JAKMIP3: variants seen among roughly 807,000 people sequenced by gnomAD.
JAKMIP3 encodes the protein Janus kinase and microtubule interacting protein 3.
In JAKMIP3, 58 loss-of-function variants were observed where a neutral mutation model predicts 118.5. That is an observed-to-expected ratio of 0.49 (90% CI 0.40 to 0.61). The LOEUF is 0.61. Among genes scored for constraint, JAKMIP3 ranks in the 20% least tolerant of loss-of-function variants. The pLI is 0.00. For missense variants in JAKMIP3, 950 were observed against 1,109.0 expected (o/e 0.86, Z 2.04); for synonymous variants, 486 against 451.2 (o/e 1.08, Z -0.98).
intron 1 of JAKMIP3, among the ~76,000 whole-genome samples, chr10:132,076,655 G>T (rs2134098881): frequency 6.6e-6 from 1 of 151,984 alleles, no homozygotes; most frequent in East Asian, 1.9e-4. Flanking sequence ...GCTGGCCTGT[G>T]GTGGCCCCGG....
At chr10:132,176,676 AT>A (rs1050195556) in intron 23 of JAKMIP3, among the ~76,000 whole-genome samples, 18 of 151,972 alleles carry the variant, frequency 1.2e-4, no homozygotes, top group African/African-American at 4.1e-4. Flanking sequence ...GTTAACGGGC[AT>A]TTTTTTGGGT....
rs1410002642 is a variant in JAKMIP3, at chr10:132,180,716, T to TGCGTGC, written c.*1104-1640_*1104-1639insCGTGCG. On this transcript the variant is annotated intron_variant, in intron 23 of 23. Transcript: ENST00000684848. ...GCGTGCGTGTGTGTGTGCGCGTGTG[T>TGCGTGC]GTGCGTGTGTGTGCGTGTGTGCGTG... Among the ~76,000 whole-genome samples, 5 of 25,172 alleles carry TGCGTGC rather than the reference T, an allele frequency of 2.0e-4. 2 individuals carry two copies. Among genetic ancestry groups the TGCGTGC allele is most frequent in the African/African-American group, 1.3e-3 (5 of 3,838 alleles). The allele number at this position is 25,172 out of a possible 152,430, so 16.5% of individuals were successfully genotyped here. A position where few individuals can be genotyped will look rare whatever the true frequency, so the allele number is the denominator to read the frequency against.
intron 13 of JAKMIP3, among the ~76,000 whole-genome samples, chr10:132,147,484 G>A (rs748943122): frequency 7.9e-5 from 12 of 152,202 alleles, no homozygotes; most frequent in Non-Finnish European, 1.5e-4. Flanking sequence ...CGTGGTACCC[G>A]CTCCTTCCAT....
intron 19 of JAKMIP3, among the ~76,000 whole-genome samples, chr10:132,161,818 G>T (rs1426894566): frequency 8.5e-6 from 1 of 117,398 alleles, no homozygotes; most frequent in Non-Finnish European, 1.7e-5. Flanking sequence ...ATGCTGGGGG[G>T]GGCCTCTTCT....
At chr10:132,145,074 A>T in intron 11 of JAKMIP3, 33 bp from the exon 12 acceptor site, 1 of 1,588,032 alleles carries the variant, frequency 6.3e-7, no homozygotes, top group Non-Finnish European at 8.6e-7. Flanking sequence ...GCTTTTAGAG[A>T]AAATTTGATG....
At chr10:132,061,335 C>A (rs115877149), upstream of JAKMIP3, among the ~76,000 whole-genome samples, 2 of 152,182 alleles carry the variant, frequency 1.3e-5, no homozygotes, top group Non-Finnish European at 2.9e-5. Context: ...ATGCATCACA[C>A]GTTGTGCAAA....
rs546012049 is a variant in JAKMIP3 at position 132,158,493 on chromosome 10, G to C, written c.2220+4503G>C. On this transcript the variant is annotated intron_variant, in intron 19 of 23. Coordinates refer to ENST00000684848, the MANE Select transcript of JAKMIP3 (RefSeq NM_001323087.2). ...ACAGTAGCTGTGTTCTCAGACCTCA[G>C]ATGGGGCCAACTGCTCAGGGGATCA... 1.2e-3 allele frequency among the ~76,000 whole-genome samples: 184 copies of C among 152,380 alleles called. 1 individual carries two copies. The highest frequency in any genetic ancestry group is 4.3e-3 in the African/African-American group (177 of 41,600).
intron 1 of JAKMIP3, among the ~76,000 whole-genome samples, chr10:132,102,661 C>T (rs8181325): frequency 0.23 from 35,134 of 152,096 alleles, 4,702 homozygotes; most frequent in African/African-American, 0.38. Context: ...ACCCTCCTTT[C>T]ACCCTCCCTC....
chr10:132,045,268 G>T (rs1044944954), intron 1 of JAKMIP3, among the ~76,000 whole-genome samples: 1 of 152,270 alleles, frequency 6.6e-6, no homozygotes, highest in East Asian at 1.9e-4. Flanking sequence ...TCCCCGGTGA[G>T]CAGGGATTCT....
At chr10:132,100,195 A>T (rs1451964711) in intron 1 of JAKMIP3, among the ~76,000 whole-genome samples, 1 of 91,140 alleles carries the variant, frequency 1.1e-5, no homozygotes. Context: ...ACAGACCCCC[A>T]CACAGGTCCC....
chr10:132,096,353 A>G (rs2043856415), intron 1 of JAKMIP3, among the ~76,000 whole-genome samples: 1 of 152,240 alleles, frequency 6.6e-6, no homozygotes, highest in Non-Finnish European at 1.5e-5. Flanking sequence ...CCTTCCTGCC[A>G]GTAGTAACCC....
intron 13 of JAKMIP3, among the ~76,000 whole-genome samples, chr10:132,146,966 GCA>G (rs1406998914): frequency 6.6e-6 from 1 of 152,104 alleles, no homozygotes; most frequent in African/African-American, 2.4e-5. Flanking sequence ...ACTTGAACAC[GCA>G]CACACGTAAA....
At chr10:132,136,306 G>A (rs1174286982) in intron 6 of JAKMIP3, among the ~76,000 whole-genome samples, 1 of 152,206 alleles carries the variant, frequency 6.6e-6, no homozygotes, top group Non-Finnish European at 1.5e-5. Context: ...CGGCTGTGGG[G>A]CGTCCCCTCC....
intron 21 of JAKMIP3, among the ~76,000 whole-genome samples, chr10:132,165,250 G>A (rs2058776216): frequency 6.6e-6 from 1 of 152,222 alleles, no homozygotes; most frequent in Non-Finnish European, 1.5e-5. Context: ...TGAGGTGTGG[G>A]GTCAGGGCTG....
intron 10 of JAKMIP3, among the ~76,000 whole-genome samples, 186 bp downstream of exon 10, chr10:132,140,765 A>ACTC (rs2053353650): frequency 6.6e-6 from 1 of 152,088 alleles, no homozygotes; most frequent in Admixed American, 6.5e-5. Flanking sequence ...CTGATAGCTG[A>ACTC]CTCGGGCACG....
At chr10:132,158,691 T>C (rs1316355586) in intron 19 of JAKMIP3, among the ~76,000 whole-genome samples, 3 of 133,266 alleles carry the variant, frequency 2.3e-5, no homozygotes, top group African/African-American at 8.7e-5. Context: ...GGGAGGGGCA[T>C]CTTCCTGTGT....
intron 11 of JAKMIP3, among the ~76,000 whole-genome samples, chr10:132,143,397 C>G (rs1428754618): frequency 6.6e-6 from 1 of 152,110 alleles, no homozygotes; most frequent in South Asian, 2.1e-4. Flanking sequence ...TCCTCCTGGC[C>G]AAGCTCGCCA....
At chr10:132,091,523 G>T (rs1403837373) in intron 1 of JAKMIP3, among the ~76,000 whole-genome samples, 1 of 152,190 alleles carries the variant, frequency 6.6e-6, no homozygotes, top group African/African-American at 2.4e-5. Flanking sequence ...TTACCATTAT[G>T]TAATGGTCTT....
intron 1 of JAKMIP3, among the ~76,000 whole-genome samples, chr10:132,093,322 G>T (rs1210250006): frequency 6.6e-6 from 1 of 152,194 alleles, no homozygotes; most frequent in African/African-American, 2.4e-5. Context: ...GTCTGCAGAG[G>T]TTTCTGCTGC....
Sources: allele counts gnomAD v4.1 joint callset (sites outside exome capture counted in the v4.1 genomes callset), GRCh38; gene constraint gnomAD v4.1.1; transcripts MANE v1.5; gene names NCBI Gene and HGNC (gene_info 2026-07-23, HGNC 2026-07-21).